The following NRG3 variants were observed in gnomAD, a reference collection of about 807,000 sequenced individuals.
The protein encoded by NRG3 is pro-neuregulin-3, membrane-bound isoform.
Under a neutral mutation model 66.9 loss-of-function variants are expected in NRG3, and 31 were observed. That is an observed-to-expected ratio of 0.46 (90% CI 0.35 to 0.63). The LOEUF (loss-of-function observed/expected upper bound fraction) is 0.63, where lower values mean the gene tolerates loss of function less well. Among genes scored for constraint, NRG3 ranks in the 20% least tolerant of loss-of-function variants. The probability of loss-of-function intolerance (pLI) is 0.00; values close to 1 mark genes in which losing one functional copy is unlikely to be tolerated. For missense variants in NRG3, 910 were observed against 878.9 expected (o/e 1.04, Z -0.45); for synonymous variants, 393 against 359.4 (o/e 1.09, Z -1.06).
At chr10:82,542,854 A>G (rs1590590981) in intron 2 of NRG3, among the ~76,000 whole-genome samples, 1 of 152,202 alleles carries the variant, frequency 6.6e-6, no homozygotes, top group East Asian at 1.9e-4. Context: ...TATTGACATG[A>G]CAGGTAAATA....
chr10:82,358,973 T>C, intron 2 of NRG3, 105 bp downstream of exon 2: 1 of 1,477,454 alleles, frequency 6.8e-7, no homozygotes, highest in Non-Finnish European at 9.3e-7. Context: ...ATACACACAG[T>C]CCCACCGTTT....
intron 1 of NRG3, among the ~76,000 whole-genome samples, chr10:82,009,860 G>A (rs1161335948): frequency 6.6e-6 from 1 of 152,144 alleles, no homozygotes; most frequent in Non-Finnish European, 1.5e-5. Context: ...CAGTATAGAG[G>A]GCCAGAGACA....
At position 81,985,425 on chromosome 10, in the gene NRG3, A is replaced by G. The variant is rs80147696; in HGVS notation, c.823+109262A>G. On this transcript the variant is annotated intron_variant, in intron 1 of 8. Coordinates refer to ENST00000372141, the MANE Select transcript of NRG3 (RefSeq NM_001010848.4). ...TGGATGGTGGTGTTCTTATTTTTCA[A>G]CTCCAAACTCAGCCTGTAATTCTCA... Among the ~76,000 whole-genome samples the G allele has an allele frequency of 5.7e-3, 874 of 152,244 alleles. 7 individuals carry two copies. The highest frequency in any genetic ancestry group is 0.019 in the African/African-American group (807 of 41,552).
chr10:82,215,402 A>G (rs1460371672), intron 1 of NRG3, among the ~76,000 whole-genome samples: 1 of 152,190 alleles, frequency 6.6e-6, no homozygotes, highest in African/African-American at 2.4e-5. Flanking sequence ...TTTATATGCT[A>G]GAGGTCTCTC....
At chr10:82,895,362 T>A (rs774266552) in intron 4 of NRG3, among the ~76,000 whole-genome samples, 43 of 152,238 alleles carry the variant, frequency 2.8e-4, no homozygotes, top group Non-Finnish European at 3.8e-4. Flanking sequence ...GAAATTTACA[T>A]TCTTTGTTCC....
intron 1 of NRG3, among the ~76,000 whole-genome samples, chr10:82,171,796 G>T: frequency 6.6e-6 from 1 of 152,006 alleles, no homozygotes; most frequent in East Asian, 1.9e-4. Context: ...TAGCAGGAAA[G>T]GTAAAGAGGG....
At chr10:81,882,597 A>G (rs1842279683) in intron 1 of NRG3, among the ~76,000 whole-genome samples, 1 of 152,166 alleles carries the variant, frequency 6.6e-6, no homozygotes, top group African/African-American at 2.4e-5. Flanking sequence ...TTCTATGCCA[A>G]TCCCGAAAGA....
chr10:82,917,970 G>T (rs7908968), intron 4 of NRG3, among the ~76,000 whole-genome samples: 1 of 114,016 alleles, frequency 8.8e-6, no homozygotes, highest in Admixed American at 9.2e-5. Context: ...GTGTGTGTGT[G>T]TATATATATA....
chr10:82,754,895 C>T (rs912208165), intron 3 of NRG3, among the ~76,000 whole-genome samples: 1 of 152,074 alleles, frequency 6.6e-6, no homozygotes, highest in African/African-American at 2.4e-5. Flanking sequence ...AGAAAGACAC[C>T]AGCCTGTGTA....
intron 6 of NRG3, among the ~76,000 whole-genome samples, chr10:82,973,066 C>G (rs1262641027): frequency 6.6e-6 from 1 of 152,162 alleles, no homozygotes; most frequent in Non-Finnish European, 1.5e-5. Flanking sequence ...CCTTTTGCCA[C>G]CTGTTCCAGC....
intron 4 of NRG3, among the ~76,000 whole-genome samples, chr10:82,930,731 A>T (rs1923559): frequency 0.88 from 133,496 of 152,188 alleles, 58,663 homozygotes; most frequent in African/African-American, 0.93. Flanking sequence ...TGAAGATAAA[A>T]AATGAGTGGA....
At chr10:82,472,065 A>C (rs1309185293) in intron 2 of NRG3, among the ~76,000 whole-genome samples, 4 of 152,154 alleles carry the variant, frequency 2.6e-5, no homozygotes, top group African/African-American at 9.7e-5. Flanking sequence ...TTGAAAAAAA[A>C]AAATACTAGA....
chr10:82,371,777 A>T (rs564026737), intron 2 of NRG3, among the ~76,000 whole-genome samples: 2 of 152,306 alleles, frequency 1.3e-5, no homozygotes, highest in South Asian at 2.1e-4. Context: ...GGGGAGCATT[A>T]TGTGCAGAGA....
At chr10:82,348,284 A>G (rs1323402135) in intron 1 of NRG3, among the ~76,000 whole-genome samples, 1 of 151,654 alleles carries the variant, frequency 6.6e-6, no homozygotes, top group African/African-American at 2.4e-5. Flanking sequence ...ATCTCTCAGC[A>G]TTTGCTTGTC....
At chr10:81,986,988 C>T (rs565247245) in intron 1 of NRG3, among the ~76,000 whole-genome samples, 131 of 152,186 alleles carry the variant, frequency 8.6e-4, no homozygotes, top group Non-Finnish European at 1.4e-3. Context: ...TCTACTATTG[C>T]ATAGTTACAG....
intron 1 of NRG3, among the ~76,000 whole-genome samples, chr10:82,181,659 C>A (rs369740676): frequency 2.0e-4 from 30 of 151,930 alleles, no homozygotes; most frequent in Middle Eastern, 6.8e-3. Context: ...TTTGTTAGGA[C>A]AAGTCTTGTG....
In NRG3 at chr10:82,985,283, C is replaced by T. The variant is rs1430990605; in HGVS notation, c.1769C>T (p.Pro590Leu). Residue 590 changes from proline to leucine, a missense_variant, in exon 9 of 9, where the codon CCA becomes CTA. Coordinates refer to ENST00000372141, the MANE Select transcript of NRG3 (RefSeq NM_001010848.4). ...VGLEETCLQM[P>L]GISEVKSIKW... ...TTAGAGGAAACCTGCCTGCAAATGCCAGGGATTTCTGAAGTCAAAAGCATC... is the reference window on the plus strand; with the variant it reads ...TTAGAGGAAACCTGCCTGCAAATGCTAGGGATTTCTGAAGTCAAAAGCATC... The T allele has an allele frequency of 6.2e-7, 1 of 1,614,150 alleles. No individual in the cohort carries two copies. Among genetic ancestry groups the T allele is most frequent in the Non-Finnish European group, 8.5e-7 (1 of 1,180,010 alleles).
intron 1 of NRG3, among the ~76,000 whole-genome samples, chr10:81,941,497 G>A (rs920719889): frequency 6.6e-6 from 1 of 152,108 alleles, no homozygotes; most frequent in African/African-American, 2.4e-5. Flanking sequence ...AACTGTAAAT[G>A]TATAAAGTGG....
chr10:82,595,133 C>T (rs1055227584), intron 2 of NRG3, among the ~76,000 whole-genome samples: 2 of 151,988 alleles, frequency 1.3e-5, no homozygotes, highest in African/African-American at 4.8e-5. Context: ...ATTTATTTCT[C>T]ATGATTCCAA....
Sources: allele counts gnomAD v4.1 joint callset (sites outside exome capture counted in the v4.1 genomes callset), GRCh38; gene constraint gnomAD v4.1.1; transcripts MANE v1.5; gene names NCBI Gene and HGNC (gene_info 2026-07-23, HGNC 2026-07-21).